The following CDH13 variants were observed in gnomAD, a reference collection of about 807,000 sequenced individuals.
The protein encoded by CDH13 is cadherin 13, also known as cadherin-13.
CDH13 carries 24 observed loss-of-function variants against 63.8 expected under a neutral mutation model. That is an observed-to-expected ratio of 0.38 (90% CI 0.27 to 0.53). The LOEUF (loss-of-function observed/expected upper bound fraction) is 0.53, where lower values mean the gene tolerates loss of function less well. CDH13 is among the 20% of genes least tolerant of loss of function. CDH13 has a pLI of 0.85. For synonymous variants in CDH13, 503 were observed against 355.3 expected (o/e 1.42, Z -4.67); for missense variants, 1,049 against 903.1 (o/e 1.16, Z -2.07).
chr16:82,922,102 T>G (rs1197958384), intron 2 of CDH13, among the ~76,000 whole-genome samples: 2 of 152,332 alleles, frequency 1.3e-5, no homozygotes, highest in African/African-American at 4.8e-5. Flanking sequence ...GTAAGATCAG[T>G]GGTGGTATGC....
At position 82,875,593 on chromosome 16, in the gene CDH13, A is replaced by G. The variant is rs189253699; in HGVS notation, c.157+17120A>G. Among the ~76,000 whole-genome samples, 253 of 152,342 alleles carry G rather than the reference A, an allele frequency of 1.7e-3. 1 individual carries two copies. The highest frequency in any genetic ancestry group is 3.0e-3 in the Non-Finnish European group (203 of 68,032). On this transcript the variant is annotated intron_variant, in intron 2 of 13. Transcript: ENST00000567109. ...TTGTTTTGTTTTAATGTGTCACAGTAACATACTTTTGTTAAAGAAAAATGT... is the reference window on the plus strand; with the variant it reads ...TTGTTTTGTTTTAATGTGTCACAGTGACATACTTTTGTTAAAGAAAAATGT...
At chr16:82,921,124 G>T (rs2151280629) in intron 2 of CDH13, among the ~76,000 whole-genome samples, 1 of 152,260 alleles carries the variant, frequency 6.6e-6, no homozygotes, top group Admixed American at 6.5e-5. Flanking sequence ...CTTTTGATAA[G>T]TTGTATTAGT....
rs184309764 is a variant in CDH13 at position 83,277,648 on chromosome 16, A to C, written c.636+60151A>C. 5.1e-4 allele frequency among the ~76,000 whole-genome samples: 77 copies of C among 152,274 alleles called. 1 individual carries two copies. The East Asian group carries it at 5.6e-3, about 11-fold the overall frequency. The stretch of plus-strand genomic sequence containing the variant: ...AGCTTCCAGAGGCTTCCTGGTGTAC[A>C]TCATTGAACCAGACTCAAAGTAGCA... On this transcript the variant is annotated intron_variant, in intron 5 of 13. Transcript: ENST00000567109.
intron 6 of CDH13, among the ~76,000 whole-genome samples, chr16:83,439,247 C>G (rs1021143821): frequency 6.6e-6 from 1 of 152,188 alleles, no homozygotes; most frequent in South Asian, 2.1e-4. Context: ...ATAGCAATTA[C>G]TCGTGAAAAA....
intron 2 of CDH13, among the ~76,000 whole-genome samples, chr16:82,883,360 G>A (rs938147413): frequency 5.0e-4 from 76 of 152,190 alleles, no homozygotes; most frequent in Non-Finnish European, 4.6e-4. Context: ...AGCTGTTGTA[G>A]GCAAAGCTCT....
At chr16:82,661,902 C>T (rs913552231) in intron 1 of CDH13, among the ~76,000 whole-genome samples, 1 of 152,154 alleles carries the variant, frequency 6.6e-6, no homozygotes, top group Admixed American at 6.5e-5. Flanking sequence ...AATATAGTAG[C>T]CACTAGTTAC....
intron 10 of CDH13, among the ~76,000 whole-genome samples, chr16:83,737,604 C>G (rs563026151): frequency 7.2e-4 from 109 of 152,210 alleles, no homozygotes; most frequent in African/African-American, 2.5e-3. Flanking sequence ...GGACATAGAC[C>G]TGGTTTCCAC....
At chr16:83,357,659 G>A (rs1043503247) in intron 6 of CDH13, among the ~76,000 whole-genome samples, 4 of 152,154 alleles carry the variant, frequency 2.6e-5, no homozygotes. Flanking sequence ...TCAAGGACTG[G>A]TAAACATACG....
intron 1 of CDH13, among the ~76,000 whole-genome samples, chr16:82,850,156 C>A (rs1444094787): frequency 1.3e-5 from 2 of 152,086 alleles, no homozygotes; most frequent in South Asian, 2.1e-4. Flanking sequence ...TGGATCAGGA[C>A]AAAATGAGTC....
chr16:83,005,705 T>C (rs940770968), intron 2 of CDH13, among the ~76,000 whole-genome samples: 1 of 152,254 alleles, frequency 6.6e-6, no homozygotes, highest in Non-Finnish European at 1.5e-5. Flanking sequence ...AGTACCCTAA[T>C]TGGTTCTCTG....
At chr16:83,303,747 A>T (rs1173234292) in intron 5 of CDH13, among the ~76,000 whole-genome samples, 1 of 152,194 alleles carries the variant, frequency 6.6e-6, no homozygotes, top group Admixed American at 6.5e-5. Context: ...CTACTGCTTC[A>T]GTTTAGCATA....
chr16:82,762,649 T>C (rs1010981855), intron 1 of CDH13, among the ~76,000 whole-genome samples: 1 of 152,198 alleles, frequency 6.6e-6, no homozygotes, highest in Non-Finnish European at 1.5e-5. Context: ...TGACTGTTTA[T>C]TAAAATCCCC....
At chr16:83,727,549 G>A (rs1910554385) in intron 10 of CDH13, among the ~76,000 whole-genome samples, 2 of 151,636 alleles carry the variant, frequency 1.3e-5, no homozygotes, top group Non-Finnish European at 2.9e-5. Flanking sequence ...GTTCTCAAAG[G>A]AGAACCTTCC....
intron 3 of CDH13, among the ~76,000 whole-genome samples, chr16:83,120,703 G>T (rs914740324): frequency 6.6e-6 from 1 of 150,644 alleles, no homozygotes; most frequent in Non-Finnish European, 1.5e-5. Context: ...CAAACCAACA[G>T]AATCTTCATA....
intron 10 of CDH13, among the ~76,000 whole-genome samples, chr16:83,728,207 C>T (rs1292125050): frequency 2.0e-5 from 3 of 152,074 alleles, no homozygotes; most frequent in African/African-American, 4.8e-5. Flanking sequence ...GGGTTTAAGT[C>T]TTTGATGTGC....
intron 1 of CDH13, among the ~76,000 whole-genome samples, chr16:82,725,040 A>G (rs2033013719): frequency 6.6e-6 from 1 of 152,170 alleles, no homozygotes; most frequent in African/African-American, 2.4e-5. Flanking sequence ...TAAGTTCTTG[A>G]TAAATATTAG....
intron 6 of CDH13, among the ~76,000 whole-genome samples, chr16:83,402,218 TA>T (rs1241975194): frequency 2.0e-5 from 3 of 152,190 alleles, no homozygotes; most frequent in African/African-American, 7.2e-5. Context: ...CTGCTGCTGC[TA>T]AAGTAGCAAA....
In CDH13 at chr16:83,799,635, A is replaced by G. The variant is rs897152682; in HGVS notation, c.*4605A>G. 6.6e-6 allele frequency: 1 copy of G among 152,178 alleles called. No individual in the cohort carries two copies. Among genetic ancestry groups the G allele is most frequent in the African/African-American group, 2.4e-5 (1 of 41,438 alleles). 9.4% of individuals were successfully genotyped at this position (152,178 alleles called of 1,614,324 possible). On this transcript the variant is annotated 3_prime_UTR_variant, in exon 14 of 14. Coordinates refer to ENST00000567109, the MANE Select transcript of CDH13 (RefSeq NM_001257.5). Reference sequence around the variant, plus strand: ...CAAATACTAAGAATAATAATCTAATAATCTGGCTACATCTTTCATAAAGAC... The same window carrying G: ...CAAATACTAAGAATAATAATCTAATGATCTGGCTACATCTTTCATAAAGAC...
intron 7 of CDH13, among the ~76,000 whole-genome samples, chr16:83,506,230 A>G (rs1006650587): frequency 3.3e-5 from 5 of 152,204 alleles, no homozygotes; most frequent in East Asian, 1.9e-4. Context: ...AGTGAAGAGT[A>G]TAGACAAGCT....
Sources: allele counts gnomAD v4.1 joint callset (sites outside exome capture counted in the v4.1 genomes callset), GRCh38; gene constraint gnomAD v4.1.1; transcripts MANE v1.5; gene names NCBI Gene and HGNC (gene_info 2026-07-23, HGNC 2026-07-21).